Variants in SMIM36 observed in about 807,000 individuals in gnomAD.
The protein encoded by SMIM36 is small integral membrane protein 36.
intron 1 of SMIM36, among the ~76,000 whole-genome samples, chr17:55,484,116 A>T (rs28740770): frequency 6.6e-6 from 1 of 152,162 alleles, no homozygotes; most frequent in East Asian, 1.9e-4. Flanking sequence ...ATGATACAAA[A>T]TTTTTTAAAC....
At chr17:55,505,842 C>A (rs9747113) in intron 1 of SMIM36, among the ~76,000 whole-genome samples, 55,169 of 92,856 alleles carry the variant, frequency 0.59, 18,418 homozygotes, top group African/African-American at 0.87. Context: ...GTCTCAGCCC[C>A]AAATCTCCTT....
At chr17:55,491,562 T>C (rs1909707084) in intron 1 of SMIM36, among the ~76,000 whole-genome samples, 2 of 152,200 alleles carry the variant, frequency 1.3e-5, no homozygotes, top group Admixed American at 1.3e-4. Context: ...TCAGTCTTCC[T>C]TGTAGATAGA....
chr17:55,476,504 C>T (rs928732797), intron 3 of SMIM36, among the ~76,000 whole-genome samples: 2 of 152,066 alleles, frequency 1.3e-5, no homozygotes, highest in African/African-American at 2.4e-5. Context: ...TACACGGACA[C>T]GCATAATAGG....
intron 4 of SMIM36, among the ~76,000 whole-genome samples, chr17:55,466,239 T>C (rs12325730): frequency 0.32 from 44,217 of 138,152 alleles, 7,926 homozygotes; most frequent in Middle Eastern, 0.42. Context: ...ATTGCACTAC[T>C]GTACTCCAGC....
the SMIM36 span, among the ~76,000 whole-genome samples, chr17:55,531,190 G>A: frequency 6.6e-6 from 1 of 152,002 alleles, no homozygotes; most frequent in African/African-American, 2.4e-5. Context: ...CAACCCCAAC[G>A]CTGCCTGCCT....
chr17:55,473,579 G>A (rs1171363903), intron 3 of SMIM36, among the ~76,000 whole-genome samples: 1 of 151,916 alleles, frequency 6.6e-6, no homozygotes, highest in African/African-American at 2.4e-5. Flanking sequence ...ACTCCTTACC[G>A]TCCTCAATCC....
intron 1 of SMIM36, among the ~76,000 whole-genome samples, chr17:55,488,313 GC>G (rs1245721456): frequency 6.6e-6 from 1 of 152,212 alleles, no homozygotes; most frequent in African/African-American, 2.4e-5. Flanking sequence ...TAGCGTGGAG[GC>G]TGCATTACGA....
At chr17:55,487,464 G>GACTGC (rs1338504084) in intron 1 of SMIM36, among the ~76,000 whole-genome samples, 5 of 152,192 alleles carry the variant, frequency 3.3e-5, no homozygotes, top group Non-Finnish European at 7.3e-5. Context: ...GATCAGGAAA[G>GACTGC]ACTGCACTGA....
At chr17:55,482,857 C>A (rs767661959) in intron 1 of SMIM36, among the ~76,000 whole-genome samples, 1 of 152,146 alleles carries the variant, frequency 6.6e-6, no homozygotes, top group Non-Finnish European at 1.5e-5. Context: ...AAATGTGAGA[C>A]CTGAGAGTAA....
intron 1 of SMIM36, among the ~76,000 whole-genome samples, chr17:55,484,332 A>G (rs988156761): frequency 2.6e-5 from 4 of 152,234 alleles, no homozygotes; most frequent in African/African-American, 7.2e-5. Context: ...TTACAAAAAA[A>G]TTCTAGCCAA....
intron 3 of SMIM36, among the ~76,000 whole-genome samples, chr17:55,471,345 A>T (rs1909339019): frequency 6.6e-6 from 1 of 152,094 alleles, no homozygotes; most frequent in Non-Finnish European, 1.5e-5. Context: ...TCCCAGCAGG[A>T]CACTGTCCTG....
intron 1 of SMIM36, among the ~76,000 whole-genome samples, chr17:55,480,241 TAAA>T (rs112973181): frequency 6.2e-5 from 8 of 128,772 alleles, no homozygotes; most frequent in Admixed American, 2.4e-4. Context: ...TGGAGCGTTC[TAAA>T]AAAAAAAAAA....
rs934623412 is a variant in SMIM36 at position 55,496,458 on chromosome 17, A to C, written c.*174+14421T>G. Among the ~76,000 whole-genome samples the C allele has an allele frequency of 2.0e-5, 3 of 152,204 alleles. No individual in the cohort carries two copies. The South Asian group carries it at 6.2e-4, about 31-fold the overall frequency. On this transcript the variant is annotated intron_variant, in intron 1 of 4. Transcript: ENST00000636752. ...TCTTGGGAGGATGTGAAATAGCTAAAATCTTTCTCAATCCTGGTGTTACAA... is the reference window on the plus strand; with the variant it reads ...TCTTGGGAGGATGTGAAATAGCTAACATCTTTCTCAATCCTGGTGTTACAA...
rs143228612 is a variant in SMIM36 at position 55,461,952 on chromosome 17, C to T, written c.*531+5193G>A. 8.8e-3 allele frequency among the ~76,000 whole-genome samples: 1,343 copies of T among 152,252 alleles called. 18 individuals are homozygous for T. The highest frequency in any genetic ancestry group is 0.031 in the African/African-American group (1,268 of 41,528). On this transcript the variant is annotated intron_variant, in intron 4 of 4. Coordinates refer to ENST00000636752, the Ensembl canonical transcript of SMIM36. Reference sequence around the variant, plus strand: ...TAGGTTACATTAGGGATCCACTGAGCCACTGATCTGGAGTAACAAATGGGA... The same window carrying T: ...TAGGTTACATTAGGGATCCACTGAGTCACTGATCTGGAGTAACAAATGGGA...
In SMIM36 at chr17:55,453,405, G is replaced by A. The variant is rs975700826; in HGVS notation, c.*532-3107C>T. ...TTCTACTCTTCTGCCTTCCTTTCAC[G>A]TTTAAAGGCCTGCAAACCATATAAA... On this transcript the variant is annotated intron_variant, in intron 4 of 4. Coordinates refer to ENST00000636752, the Ensembl canonical transcript of SMIM36. Among the ~76,000 whole-genome samples the A allele has an allele frequency of 2.8e-4, 43 of 152,222 alleles. 1 individual carries two copies. Among genetic ancestry groups the A allele is most frequent in the South Asian group, 2.3e-3 (11 of 4,820 alleles).
chr17:55,501,603 A>AGT (rs1909982813), intron 1 of SMIM36, among the ~76,000 whole-genome samples: 1 of 135,756 alleles, frequency 7.4e-6, no homozygotes, highest in African/African-American at 2.8e-5. Flanking sequence ...ATATAAAATC[A>AGT]GTGTATATAT....
rs571222607 is a variant in SMIM36 at position 55,493,566 on chromosome 17, T to C, written c.*175-13986A>G. On this transcript the variant is annotated intron_variant, in intron 1 of 4. Transcript: ENST00000636752. ...GGCTCAAGCCTGTAATCCTAGCACT[T>C]TGGGAAGCCAAGGCAGGAAGATTGC... 1.7e-3 allele frequency among the ~76,000 whole-genome samples: 265 copies of C among 152,166 alleles called. 1 individual carries two copies. Among genetic ancestry groups the C allele is most frequent in the East Asian group, 6.6e-3 (34 of 5,156 alleles).
At chr17:55,452,278 A>G (rs1908934836) in intron 4 of SMIM36, among the ~76,000 whole-genome samples, 1 of 151,992 alleles carries the variant, frequency 6.6e-6, no homozygotes, top group South Asian at 2.1e-4. Flanking sequence ...TTGGTGTAGA[A>G]ACTGGTAACA....
At chr17:55,457,114 G>T (rs1490248693) in intron 4 of SMIM36, among the ~76,000 whole-genome samples, 1 of 152,084 alleles carries the variant, frequency 6.6e-6, no homozygotes, top group East Asian at 1.9e-4. Context: ...AAGGATAAAA[G>T]GATAAACCAG....
Sources: gnomAD v4.1 joint callset for allele counts (sites outside exome capture counted in the v4.1 genomes callset) on GRCh38, gnomAD v4.1.1 for gene constraint, MANE v1.5 for transcripts, NCBI Gene and HGNC (gene_info 2026-07-23, HGNC 2026-07-21) for gene names.